The following SNX9 variants were observed in gnomAD, a reference collection of about 807,000 sequenced individuals.
SNX9 encodes the protein sorting nexin-9.
A neutral mutation model predicts 89.4 loss-of-function variants in SNX9; 44 were observed. The ratio of observed to expected loss-of-function variants is 0.49; its 90% CI spans 0.39 to 0.63. The LOEUF is 0.63. Among genes scored for constraint, SNX9 ranks in the 30% least tolerant of loss-of-function variants. SNX9 has a pLI of 0.00. For missense variants in SNX9, 578 were observed against 736.1 expected (o/e 0.79, Z 2.49); for synonymous variants, 236 against 247.8 (o/e 0.95, Z 0.45).
At chr6:157,848,847 C>T (rs547944290) in intron 1 of SNX9, among the ~76,000 whole-genome samples, 78 of 152,276 alleles carry the variant, frequency 5.1e-4, no homozygotes, top group East Asian at 1.2e-3. Context: ...CGATTTTGCA[C>T]GTCATAAAAT....
chr6:157,877,200 C>T (rs1782537350), intron 4 of SNX9, among the ~76,000 whole-genome samples: 1 of 149,224 alleles, frequency 6.7e-6, no homozygotes, highest in Non-Finnish European at 1.5e-5. Context: ...TTGGTATTTA[C>T]TTGTAGTTTA....
intron 6 of SNX9, among the ~76,000 whole-genome samples, chr6:157,905,705 G>A (rs756906497): frequency 6.6e-6 from 1 of 152,210 alleles, no homozygotes; most frequent in Non-Finnish European, 1.5e-5. Context: ...TCTGGAGAGA[G>A]CCTGTTGAAA....
chr6:157,902,656 A>T (rs892864793), intron 6 of SNX9, among the ~76,000 whole-genome samples: 1 of 152,080 alleles, frequency 6.6e-6, no homozygotes, highest in Non-Finnish European at 1.5e-5. Context: ...AAACAAAAAA[A>T]AAAGTGTTGT....
Position 157,909,683 on chromosome 6 carries a change from A to G in SNX9, c.724A>G (p.Met242Val), listed in dbSNP as rs370720997. 42 of 1,613,938 alleles carry G rather than the reference A, an allele frequency of 2.6e-5. No homozygotes were observed. Among genetic ancestry groups the G allele is most frequent in the Admixed American group, 3.3e-5 (2 of 59,988 alleles). The part of the protein sequence containing the change: ...IPIIVGDYGP[M>V]WVYPTSTFDC... ...GGCATAGGTTGGAGATTATGGCCCAATGTGGGTTTATCCTACCTCTACTTT... is the reference window on the plus strand; with the variant it reads ...GGCATAGGTTGGAGATTATGGCCCAGTGTGGGTTTATCCTACCTCTACTTT... The change falls in exon 8 of 18, where the codon ATG becomes GTG. Residue 242 changes from methionine (M) to valine (V), a missense_variant. Met to Val is a conservative substitution (Grantham distance 21). Around this residue, in one of 2 missense-constraint regions of SNX9, gnomAD observed 348 missense variants for 491.4 expected, o/e 0.71. Transcript: ENST00000392185.
chr6:157,834,149 G>GATTTTTTTTT (rs1491214417), intron 1 of SNX9, among the ~76,000 whole-genome samples: 1 of 60,086 alleles, frequency 1.7e-5, no homozygotes, highest in African/African-American at 6.6e-5. Context: ...TGTCCACTGT[G>GATTTTTTTTT]GTTTTTTTTT....
chr6:157,885,032 C>A (rs1329240720), intron 4 of SNX9: 1 of 152,156 alleles, frequency 6.6e-6, no homozygotes, highest in Non-Finnish European at 1.5e-5. Context: ...GTACTCAAAG[C>A]TACCTATTTT....
At chr6:157,889,906 T>A (rs1173142123) in intron 4 of SNX9, among the ~76,000 whole-genome samples, 1 of 152,248 alleles carries the variant, frequency 6.6e-6, no homozygotes, top group East Asian at 1.9e-4. Context: ...GTGGGCTAGA[T>A]GCTTTGTATG....
At chr6:157,882,644 C>T (rs551607854) in intron 4 of SNX9, among the ~76,000 whole-genome samples, 2 of 152,254 alleles carry the variant, frequency 1.3e-5, no homozygotes, top group South Asian at 2.1e-4. Flanking sequence ...TAGATTCCAA[C>T]CCTCATAGAA....
At chr6:157,860,126 A>G (rs1782091583) in intron 1 of SNX9, among the ~76,000 whole-genome samples, 2 of 152,252 alleles carry the variant, frequency 1.3e-5, no homozygotes, top group South Asian at 4.1e-4. Context: ...GAAAAAGGAA[A>G]AGCAACCCCT....
At chr6:157,885,990 C>G (rs1782728105) in intron 4 of SNX9, among the ~76,000 whole-genome samples, 1 of 152,202 alleles carries the variant, frequency 6.6e-6, no homozygotes, top group South Asian at 2.1e-4. Context: ...TTCATTAATT[C>G]TTAAACCTAG....
At chr6:157,915,640 A>AATATATATATATATATATATAT (rs1411739606) in intron 9 of SNX9, among the ~76,000 whole-genome samples, 19 of 95,064 alleles carry the variant, frequency 2.0e-4, no homozygotes, top group Non-Finnish European at 3.6e-4. Flanking sequence ...AAAAAAAAAA[A>AATATATATATATATATATATAT]ATATATATAT....
At chr6:157,864,002 A>G (rs1782199740) in intron 1 of SNX9, among the ~76,000 whole-genome samples, 1 of 152,208 alleles carries the variant, frequency 6.6e-6, no homozygotes, top group Admixed American at 6.5e-5. Flanking sequence ...AGGTTTATAA[A>G]CATTTTTCTG....
At chr6:157,841,549 T>C (rs1781702908) in intron 1 of SNX9, among the ~76,000 whole-genome samples, 2 of 152,158 alleles carry the variant, frequency 1.3e-5, no homozygotes, top group Admixed American at 1.3e-4. Context: ...ACACTGTGAC[T>C]GCACAGCCCA....
intron 1 of SNX9, among the ~76,000 whole-genome samples, chr6:157,836,198 C>T (rs1781579693): frequency 6.6e-6 from 1 of 152,122 alleles, no homozygotes; most frequent in Admixed American, 6.5e-5. Flanking sequence ...ATTCCTCCTG[C>T]CTCAGCCTCC....
At chr6:157,904,603 T>G (rs1783172307) in intron 6 of SNX9, among the ~76,000 whole-genome samples, 1 of 151,938 alleles carries the variant, frequency 6.6e-6, no homozygotes, top group Non-Finnish European at 1.5e-5. Flanking sequence ...CCCAGCTACT[T>G]GGGAGACTGA....
chr6:157,906,018 G>T, intron 6 of SNX9, 110 bp from the exon 7 acceptor site: 1 of 803,988 alleles, frequency 1.2e-6, no homozygotes, highest in South Asian at 1.7e-5. Context: ...CAGTTCTAGT[G>T]CACCCGAAAG....
At chr6:157,891,027 CTTTTTT>C (rs67186551) in intron 4 of SNX9, among the ~76,000 whole-genome samples, 8 of 114,940 alleles carry the variant, frequency 7.0e-5, no homozygotes, top group African/African-American at 2.4e-4. Flanking sequence ...TTTTCTTTCT[CTTTTTT>C]TTTTTTTTTT....
At chr6:157,854,873 ACT>A (rs1781978236) in intron 1 of SNX9, among the ~76,000 whole-genome samples, 1 of 151,440 alleles carries the variant, frequency 6.6e-6, no homozygotes, top group South Asian at 2.1e-4. Context: ...TTGCAACATG[ACT>A]CTGAGCATCC....
At chr6:157,853,141 C>T (rs916375576) in intron 1 of SNX9, among the ~76,000 whole-genome samples, 1 of 151,652 alleles carries the variant, frequency 6.6e-6, no homozygotes, top group African/African-American at 2.4e-5. Flanking sequence ...TATTGCTTTG[C>T]TGGTGACACA....
Sources: gnomAD v4.1 joint callset for allele counts (sites outside exome capture counted in the v4.1 genomes callset) on GRCh38, gnomAD v4.1.1 for gene constraint, gnomAD v4.1.1 regional missense constraint, MANE v1.5 for transcripts, NCBI Gene and HGNC (gene_info 2026-07-23, HGNC 2026-07-21) for gene names.